Variants in EPHA6 observed in about 807,000 individuals in gnomAD.
EPHA6 encodes EPH receptor A6, also known as ephrin type-A receptor 6.
Under a neutral mutation model 112.0 loss-of-function variants are expected in EPHA6, and 50 were observed. The observed-to-expected ratio is 0.45, with a 90% CI of 0.36 to 0.56. The LOEUF (loss-of-function observed/expected upper bound fraction) is 0.56, where lower values mean the gene tolerates loss of function less well. EPHA6 is among the 20% of genes least tolerant of loss of function. The pLI, the probability that EPHA6 is intolerant of heterozygous loss-of-function variation, is 0.00. For missense variants in EPHA6, 1,280 were observed against 1,417.4 expected (o/e 0.90, Z 1.56); for synonymous variants, 529 against 490.7 (o/e 1.08, Z -1.03).
chr3:97,194,964 G>T, intron 3 of EPHA6, among the ~76,000 whole-genome samples: 1 of 151,812 alleles, frequency 6.6e-6, no homozygotes, highest in Non-Finnish European at 1.5e-5. Flanking sequence ...CGTGAAGTGT[G>T]TTTCTTTTAG....
chr3:97,310,916 A>C (rs893844313), intron 5 of EPHA6, among the ~76,000 whole-genome samples: 1 of 151,684 alleles, frequency 6.6e-6, no homozygotes, highest in Non-Finnish European at 1.5e-5. Flanking sequence ...TTGTACAGCT[A>C]ACCCTGATAT....
chr3:97,481,080 G>C, intron 9 of EPHA6: 2 of 473,100 alleles, frequency 4.2e-6, no homozygotes, highest in Non-Finnish European at 4.1e-6. Context: ...GGGTGGCAGC[G>C]GGGCAGAGGC....
intron 3 of EPHA6, among the ~76,000 whole-genome samples, chr3:97,088,073 C>T (rs2046955804): frequency 6.6e-6 from 1 of 151,970 alleles, no homozygotes; most frequent in Non-Finnish European, 1.5e-5. Context: ...CCCAGCTACT[C>T]AGGAGGCTTA....
Position 97,758,801 on chromosome 3 carries a change from G to C in EPHA6, c.*10100G>C, listed in dbSNP as rs373384584. Among the ~76,000 whole-genome samples the C allele has an allele frequency of 5.5e-4, 83 of 151,966 alleles. No individual in the cohort carries two copies. Among genetic ancestry groups the C allele is most frequent in the African/African-American group, 1.9e-3 (80 of 41,506 alleles). On this transcript the variant is annotated 3_prime_UTR_variant, in exon 18 of 18. Coordinates refer to ENST00000389672, the MANE Select transcript of EPHA6 (RefSeq NM_001080448.3). ...ATTACAAGCAGAGGGAAAATTTAAT[G>C]AATGAAATTACAAGCAGAGGGGGAT...
At chr3:97,138,696 G>T (rs368073471) in intron 3 of EPHA6, among the ~76,000 whole-genome samples, 1 of 152,190 alleles carries the variant, frequency 6.6e-6, no homozygotes, top group Admixed American at 6.5e-5. Context: ...ACCCTCCACT[G>T]TCCAAATACA....
intron 3 of EPHA6, among the ~76,000 whole-genome samples, chr3:97,145,910 T>C (rs1018617724): frequency 6.6e-6 from 1 of 151,650 alleles, no homozygotes; most frequent in African/African-American, 2.4e-5. Context: ...CCAAAGTATC[T>C]AGTATTCATA....
At chr3:97,643,454 A>G (rs562631508) in intron 14 of EPHA6, among the ~76,000 whole-genome samples, 2 of 151,850 alleles carry the variant, frequency 1.3e-5, no homozygotes, top group South Asian at 2.1e-4. Flanking sequence ...TTAACTTTAA[A>G]TGTAAATGGA....
intron 10 of EPHA6, among the ~76,000 whole-genome samples, chr3:97,492,092 T>C (rs1194227405): frequency 1.3e-5 from 2 of 152,136 alleles, no homozygotes; most frequent in Non-Finnish European, 2.9e-5. Context: ...AAGTGAATCA[T>C]TATTTTTTCA....
chr3:97,104,815 C>T (rs1312142431), intron 3 of EPHA6, among the ~76,000 whole-genome samples: 3 of 151,968 alleles, frequency 2.0e-5, no homozygotes, highest in African/African-American at 7.2e-5. Context: ...AATTCAGTTT[C>T]AGAGATCTGT....
chr3:96,875,122 TATA>T (rs941389267), intron 2 of EPHA6, among the ~76,000 whole-genome samples: 2 of 151,764 alleles, frequency 1.3e-5, no homozygotes, highest in African/African-American at 4.8e-5. Context: ...AGATTGTACT[TATA>T]ATAATAATAA....
At chr3:97,241,695 A>G (rs956868058) in intron 4 of EPHA6, among the ~76,000 whole-genome samples, 1 of 149,250 alleles carries the variant, frequency 6.7e-6, no homozygotes, top group African/African-American at 2.4e-5. Context: ...TTAAAAAGCT[A>G]TTTAATCATC....
At chr3:96,907,304 AG>A (rs1228219912) in intron 2 of EPHA6, among the ~76,000 whole-genome samples, 1 of 151,682 alleles carries the variant, frequency 6.6e-6, no homozygotes. Flanking sequence ...GGGCTGTTAA[AG>A]GTGTCATTTA....
intron 5 of EPHA6, among the ~76,000 whole-genome samples, chr3:97,278,360 T>C (rs895378872): frequency 4.6e-5 from 7 of 152,248 alleles, no homozygotes; most frequent in South Asian, 4.1e-4. Flanking sequence ...GATCTTTTCA[T>C]TGATAACTAA....
chr3:97,586,217 C>T (rs1407534574), intron 11 of EPHA6, among the ~76,000 whole-genome samples: 1 of 152,198 alleles, frequency 6.6e-6, no homozygotes, highest in Non-Finnish European at 1.5e-5. Context: ...CCCAGCCATC[C>T]CACCTCATGC....
At chr3:96,843,919 T>C (rs137999587) in intron 1 of EPHA6, among the ~76,000 whole-genome samples, 2 of 152,232 alleles carry the variant, frequency 1.3e-5, no homozygotes, top group East Asian at 1.9e-4. Context: ...TCAGTAGATA[T>C]ACTTTATTTG....
chr3:97,212,350 A>G (rs2077900179), intron 3 of EPHA6, among the ~76,000 whole-genome samples: 1 of 152,180 alleles, frequency 6.6e-6, no homozygotes, highest in South Asian at 2.1e-4. Context: ...ATGTTAGAAG[A>G]TAAATGTTGG....
chr3:97,690,855 G>C (rs988756880), intron 14 of EPHA6, among the ~76,000 whole-genome samples: 1 of 152,172 alleles, frequency 6.6e-6, no homozygotes, highest in Non-Finnish European at 1.5e-5. Context: ...TCTCTTATCA[G>C]ATAGTATATG....
chr3:97,160,471 G>C (rs536853798), intron 3 of EPHA6, among the ~76,000 whole-genome samples: 3 of 151,900 alleles, frequency 2.0e-5, no homozygotes, highest in African/African-American at 7.2e-5. Flanking sequence ...GTAGAGACAG[G>C]GTTTCATCAT....
chr3:97,123,319 A>G (rs927609187), intron 3 of EPHA6, among the ~76,000 whole-genome samples: 3 of 152,096 alleles, frequency 2.0e-5, no homozygotes, highest in Non-Finnish European at 4.4e-5. Flanking sequence ...TGTATACGAT[A>G]GCCTAGTTTC....
Sources: allele counts gnomAD v4.1 joint callset (sites outside exome capture counted in the v4.1 genomes callset), GRCh38; gene constraint gnomAD v4.1.1; transcripts MANE v1.5; gene names NCBI Gene and HGNC (gene_info 2026-07-23, HGNC 2026-07-21).